Variants in AP3S1 observed in about 807,000 individuals in gnomAD.
The protein encoded by AP3S1 is AP-3 complex subunit sigma-1.
AP3S1 carries 12 observed loss-of-function variants against 21.3 expected under a neutral mutation model. The ratio of observed to expected loss-of-function variants is 0.56; its 90% CI spans 0.36 to 0.91. The LOEUF (loss-of-function observed/expected upper bound fraction) is 0.91. Ranked by LOEUF, AP3S1 falls within the 40% of genes least tolerant of loss-of-function variation. The probability of loss-of-function intolerance (pLI) is 0.01; values close to 1 mark genes in which losing one functional copy is unlikely to be tolerated. For missense variants in AP3S1, 116 were observed against 225.0 expected (o/e 0.52, Z 3.10); for synonymous variants, 48 against 78.4 (o/e 0.61, Z 2.05).
chr5:115,906,045 T>C (rs1751623226), intron 5 of AP3S1, among the ~76,000 whole-genome samples: 1 of 152,158 alleles, frequency 6.6e-6, no homozygotes. Context: ...GTAATCCTAG[T>C]TGCTCTGGAG....
chr5:115,861,860 CTTTTCT>C (rs1429511827), intron 1 of AP3S1, among the ~76,000 whole-genome samples: 93 of 120,116 alleles, frequency 7.7e-4, no homozygotes, highest in Non-Finnish European at 7.6e-4. Context: ...ATTTTCTTTT[CTTTTCT>C]TTTTTTTTTT....
chr5:115,879,786 C>T (rs1371679900), intron 3 of AP3S1, among the ~76,000 whole-genome samples: 1 of 152,148 alleles, frequency 6.6e-6, no homozygotes, highest in African/African-American at 2.4e-5. Context: ...ATGATACCAT[C>T]TCCTCTTTGT....
intron 1 of AP3S1, among the ~76,000 whole-genome samples, chr5:115,863,105 G>A (rs12517882): frequency 0.37 from 56,840 of 151,886 alleles, 11,286 homozygotes; most frequent in African/African-American, 0.48. Flanking sequence ...TCTACTACAA[G>A]TACAAAAATT....
At chr5:115,889,446 G>A (rs1007842219) in intron 3 of AP3S1, among the ~76,000 whole-genome samples, 1 of 152,056 alleles carries the variant, frequency 6.6e-6, no homozygotes, top group Non-Finnish European at 1.5e-5. Flanking sequence ...AAATAATAAA[G>A]CTTTTGTTTT....
At chr5:115,901,214 G>C (rs886915601) in intron 4 of AP3S1, among the ~76,000 whole-genome samples, 1 of 151,988 alleles carries the variant, frequency 6.6e-6, no homozygotes, top group Non-Finnish European at 1.5e-5. Flanking sequence ...GTGTAAATTA[G>C]ATATGCATAT....
chr5:115,844,254 T>G (rs887087798), intron 1 of AP3S1, among the ~76,000 whole-genome samples: 3 of 152,204 alleles, frequency 2.0e-5, no homozygotes, highest in Non-Finnish European at 4.4e-5. Flanking sequence ...AGGCACTGTT[T>G]TAAAATCTGA....
chr5:115,885,569 C>CG (rs1253406192), intron 3 of AP3S1, among the ~76,000 whole-genome samples: 1 of 152,172 alleles, frequency 6.6e-6, no homozygotes, highest in Non-Finnish European at 1.5e-5. Flanking sequence ...GTTCTAGCCA[C>CG]GCTGGCAGCC....
chr5:115,874,964 A>G (rs947951710), intron 3 of AP3S1, among the ~76,000 whole-genome samples: 4 of 152,188 alleles, frequency 2.6e-5, no homozygotes, highest in African/African-American at 9.7e-5. Flanking sequence ...AGGGATAATA[A>G]TAATAACACC....
At position 115,855,588 on chromosome 5, in the gene AP3S1, C is replaced by T. The variant is rs140024389; in HGVS notation, c.70-11082C>T. On this transcript the variant is annotated intron_variant, in intron 1 of 5. Coordinates refer to ENST00000316788, the MANE Select transcript of AP3S1 (RefSeq NM_001284.4). ...CTCCTGGCTTCAGGTGATCCTCCCA[C>T]CTTGGCCTCCCAAAGTGCTGGGATT... Among the ~76,000 whole-genome samples, 471 of 152,328 alleles carry T rather than the reference C, an allele frequency of 3.1e-3. 1 individual carries two copies. The highest frequency in any genetic ancestry group is 0.01 in the African/African-American group (436 of 41,574).
chr5:115,897,943 A>G (rs775316314), intron 4 of AP3S1, among the ~76,000 whole-genome samples: 1 of 152,200 alleles, frequency 6.6e-6, no homozygotes, highest in Non-Finnish European at 1.5e-5. Context: ...AACTGAGTAG[A>G]TGAAAAGAGA....
intron 3 of AP3S1, among the ~76,000 whole-genome samples, chr5:115,880,745 C>T (rs1580691235): frequency 6.6e-6 from 1 of 151,844 alleles, no homozygotes; most frequent in African/African-American, 2.4e-5. Context: ...GTTGAAGTTC[C>T]GAATATCCTT....
At chr5:115,870,956 C>CT (rs1422489886) in intron 3 of AP3S1, among the ~76,000 whole-genome samples, 1 of 152,214 alleles carries the variant, frequency 6.6e-6, no homozygotes, top group East Asian at 1.9e-4. Context: ...CACGAATTCT[C>CT]TAATTCCCAA....
chr5:115,866,801 ATG>A, intron 2 of AP3S1, 40 bp downstream of exon 2: 1 of 1,407,014 alleles, frequency 7.1e-7, no homozygotes, highest in Non-Finnish European at 9.9e-7. Flanking sequence ...AGTTTTGACT[ATG>A]TGATTAAAAT....
chr5:115,891,834 C>G (rs925009185), intron 3 of AP3S1, among the ~76,000 whole-genome samples: 4 of 152,192 alleles, frequency 2.6e-5, no homozygotes, highest in African/African-American at 4.8e-5. Context: ...CCTGCAAAGC[C>G]ACAGGGTTGG....
intron 1 of AP3S1, chr5:115,853,024 T>A (rs1762551658): frequency 2.2e-6 from 1 of 454,458 alleles, no homozygotes; most frequent in Admixed American, 2.4e-5. Flanking sequence ...GGTAAGAATA[T>A]GTTTAATTAT....
At chr5:115,871,554 A>AT (rs1748252140) in intron 3 of AP3S1, among the ~76,000 whole-genome samples, 2 of 151,718 alleles carry the variant, frequency 1.3e-5, no homozygotes, top group South Asian at 4.2e-4. Context: ...AAAATCCATC[A>AT]TTTTTTTCAC....
intron 3 of AP3S1, among the ~76,000 whole-genome samples, chr5:115,887,835 A>G (rs551164586): frequency 1.3e-5 from 2 of 151,944 alleles, no homozygotes; most frequent in South Asian, 4.2e-4. Context: ...GATACCTGTT[A>G]CTCTTTGTGG....
At chr5:115,854,613 A>G (rs1484721343) in intron 1 of AP3S1, among the ~76,000 whole-genome samples, 1 of 151,866 alleles carries the variant, frequency 6.6e-6, no homozygotes, top group Non-Finnish European at 1.5e-5. Context: ...TTTCTTTGCT[A>G]GGGTCTTCTC....
intron 1 of AP3S1, among the ~76,000 whole-genome samples, chr5:115,861,333 G>A (rs1222379597): frequency 6.6e-6 from 1 of 152,130 alleles, no homozygotes; most frequent in African/African-American, 2.4e-5. Context: ...ATAAAGGGGA[G>A]AAGAAAGAGA....
Sources: allele counts gnomAD v4.1 joint callset (sites outside exome capture counted in the v4.1 genomes callset), GRCh38; gene constraint gnomAD v4.1.1; transcripts MANE v1.5; gene names NCBI Gene and HGNC (gene_info 2026-07-23, HGNC 2026-07-21).